The following NAV2 variants were observed in gnomAD, a reference collection of about 807,000 sequenced individuals.
The protein encoded by NAV2 is neuron navigator 2.
A neutral mutation model predicts 223.2 loss-of-function variants in NAV2; 54 were observed. The observed-to-expected ratio is 0.24, with a 90% confidence interval of 0.19 to 0.30. The LOEUF (loss-of-function observed/expected upper bound fraction) is 0.30. Among genes scored for constraint, NAV2 ranks in the 10% least tolerant of loss-of-function variants. The probability of loss-of-function intolerance (pLI) is 1.00; values close to 1 mark genes in which losing one functional copy is unlikely to be tolerated. For synonymous variants in NAV2, 1,279 were observed against 1,239.3 expected (o/e 1.03, Z -0.67); for missense variants, 2,806 against 3,147.5 (o/e 0.89, Z 2.60).
chr11:19,680,880 A>G (rs557447805), intron 1 of NAV2, among the ~76,000 whole-genome samples: 3 of 152,328 alleles, frequency 2.0e-5, no homozygotes, highest in Admixed American at 1.3e-4. Context: ...GTAAAGCCAA[A>G]CAATCAAGGG....
chr11:19,481,105 T>C (rs923264), intron 1 of NAV2, among the ~76,000 whole-genome samples: 20,329 of 152,212 alleles, frequency 0.13, 1,445 homozygotes, highest in Admixed American at 0.16. Flanking sequence ...TTGTAACTCA[T>C]GTCCACTACT....
At chr11:19,616,042 A>G (rs1311445970) in intron 1 of NAV2, among the ~76,000 whole-genome samples, 1 of 152,004 alleles carries the variant, frequency 6.6e-6, no homozygotes, top group Non-Finnish European at 1.5e-5. Context: ...ACACAGCCAC[A>G]CAGCTCAGGG....
intron 1 of NAV2, among the ~76,000 whole-genome samples, chr11:19,759,171 C>T (rs1474892093): frequency 6.7e-6 from 1 of 150,328 alleles, no homozygotes; most frequent in Non-Finnish European, 1.5e-5. Flanking sequence ...CAAGCTCCGC[C>T]TCCCGGGTCC....
At chr11:19,552,814 C>T (rs2134670107) in intron 1 of NAV2, among the ~76,000 whole-genome samples, 1 of 151,082 alleles carries the variant, frequency 6.6e-6, no homozygotes, top group East Asian at 1.9e-4. Context: ...GTTTCCTGGG[C>T]AGCAGTTCCA....
intron 1 of NAV2, among the ~76,000 whole-genome samples, chr11:19,662,628 G>C (rs745390942): frequency 6.6e-6 from 1 of 152,242 alleles, no homozygotes; most frequent in Non-Finnish European, 1.5e-5. Flanking sequence ...TGGCACCCCA[G>C]TGGCACCGGA....
intron 1 of NAV2, among the ~76,000 whole-genome samples, chr11:19,529,165 T>TC (rs1282244109): frequency 6.6e-6 from 1 of 152,230 alleles, no homozygotes; most frequent in Non-Finnish European, 1.5e-5. Context: ...TCTTTATTTT[T>TC]CTCATGTTAT....
chr11:20,043,672 G>GATC (rs1040184337), intron 12 of NAV2, among the ~76,000 whole-genome samples: 2 of 152,072 alleles, frequency 1.3e-5, no homozygotes, highest in Non-Finnish European at 2.9e-5. Flanking sequence ...AAACTTGTGG[G>GATC]ATCAAGTGAT....
At chr11:19,609,709 A>G (rs79046785) in intron 1 of NAV2, among the ~76,000 whole-genome samples, 1,943 of 152,276 alleles carry the variant, frequency 0.013, 46 homozygotes, top group East Asian at 0.067. Context: ...GGAGGGGGTT[A>G]TTACCATTAA....
chr11:20,062,482 T>C (rs1298087964), intron 20 of NAV2, 123 bp downstream of exon 20: 2 of 704,382 alleles, frequency 2.8e-6, no homozygotes, highest in East Asian at 2.7e-5. Flanking sequence ...AGGGGATCAA[T>C]TAATTAGGGA....
intron 1 of NAV2, among the ~76,000 whole-genome samples, chr11:19,736,384 C>A (rs1299677906): frequency 6.6e-6 from 1 of 152,166 alleles, no homozygotes; most frequent in Admixed American, 6.5e-5. Context: ...GGGCCAGACA[C>A]AGGACATGGA....
At chr11:19,613,456 G>A (rs1261266105) in intron 1 of NAV2, among the ~76,000 whole-genome samples, 1 of 152,248 alleles carries the variant, frequency 6.6e-6, no homozygotes, top group African/African-American at 2.4e-5. Context: ...AGGAGGGGCT[G>A]TCCTTGGCAC....
At chr11:19,674,143 G>A (rs547780345) in intron 1 of NAV2, among the ~76,000 whole-genome samples, 57 of 152,296 alleles carry the variant, frequency 3.7e-4, no homozygotes, top group African/African-American at 1.1e-3. Context: ...ATTCCTCTGC[G>A]CTCTCTCCTG....
At chr11:19,808,970 G>A (rs527913655) in intron 1 of NAV2, among the ~76,000 whole-genome samples, 1 of 152,278 alleles carries the variant, frequency 6.6e-6, no homozygotes, top group Non-Finnish European at 1.5e-5. Context: ...AGAACCAAAT[G>A]CAGAATCTTT....
At chr11:19,927,688 T>TAAAACAAAAC (rs111622616) in intron 6 of NAV2, among the ~76,000 whole-genome samples, 3,174 of 150,532 alleles carry the variant, frequency 0.021, 101 homozygotes, top group African/African-American at 0.07. Context: ...CTACATCTTT[T>TAAAACAAAAC]AAAACAAAAC....
chr11:19,966,819 G>T (rs2048807862), intron 10 of NAV2, among the ~76,000 whole-genome samples: 1 of 152,232 alleles, frequency 6.6e-6, no homozygotes. Context: ...TGTCCCCCAG[G>T]CCAGAATATC....
Position 19,363,297 on chromosome 11 carries a change from C to A in NAV2, c.75+12270C>A, listed in dbSNP as rs557453486. Among the ~76,000 whole-genome samples, 35 of 152,306 alleles carry A rather than the reference C, an allele frequency of 2.3e-4. No individual in the cohort carries two copies. The East Asian group carries it at 6.0e-3, about 26-fold the overall frequency. On this transcript the variant is annotated intron_variant, in intron 1 of 37. Transcript: ENST00000360655. The stretch of plus-strand genomic sequence containing the variant: ...GTTTCCAGCTTCATCCATGTCCCTG[C>A]AAAGGACATGAACTCATCCTTTTTT...
intron 35 of NAV2, among the ~76,000 whole-genome samples, chr11:20,106,512 A>G (rs1431940592): frequency 7.5e-6 from 1 of 133,876 alleles, no homozygotes; most frequent in East Asian, 2.4e-4. Flanking sequence ...GTGAGCCGAG[A>G]TTGCGCCATT....
intron 1 of NAV2, among the ~76,000 whole-genome samples, chr11:19,626,668 T>A (rs1251414411): frequency 6.6e-6 from 1 of 152,258 alleles, no homozygotes; most frequent in South Asian, 2.1e-4. Flanking sequence ...GAGTATGGGA[T>A]GTCTTTCCAG....
intron 4 of NAV2, among the ~76,000 whole-genome samples, chr11:19,877,649 T>G (rs1466972767): frequency 6.6e-6 from 1 of 151,666 alleles, no homozygotes; most frequent in Non-Finnish European, 1.5e-5. Context: ...ATTTTTTGTG[T>G]TTTTAGTAGA....
Sources: allele counts gnomAD v4.1 joint callset (sites outside exome capture counted in the v4.1 genomes callset), GRCh38; gene constraint gnomAD v4.1.1; transcripts MANE v1.5; gene names NCBI Gene and HGNC (gene_info 2026-07-23, HGNC 2026-07-21).